CTNNA2: variants seen among roughly 807,000 people sequenced by gnomAD.
CTNNA2 encodes catenin alpha 2.
Under a neutral mutation model 101.0 loss-of-function variants are expected in CTNNA2, and 42 were observed. The observed-to-expected ratio is 0.42, with a 90% CI of 0.32 to 0.54. The LOEUF is 0.54. CTNNA2 is among the 20% of genes least tolerant of loss of function. The probability of loss-of-function intolerance (pLI) is 0.14; values close to 1 mark genes in which losing one functional copy is unlikely to be tolerated. For synonymous variants in CTNNA2, 450 were observed against 456.4 expected, an observed-to-expected ratio of 0.99 and a Z score of 0.18; for missense variants, 871 against 1,223.1, an observed-to-expected ratio of 0.71 and a Z score of 4.29.
intron 2 of CTNNA2, among the ~76,000 whole-genome samples, chr2:79,288,800 A>T (rs1573037003): frequency 6.6e-6 from 1 of 152,226 alleles, no homozygotes; most frequent in African/African-American, 2.4e-5. Context: ...GGTTTGCCAT[A>T]TTAAAAGAGT....
At chr2:80,495,621 T>C (rs1687388863) in intron 9 of CTNNA2, among the ~76,000 whole-genome samples, 1 of 152,146 alleles carries the variant, frequency 6.6e-6, no homozygotes, top group South Asian at 2.1e-4. Flanking sequence ...CTTAAAGCAG[T>C]ATGGCTGGTG....
intron 7 of CTNNA2, among the ~76,000 whole-genome samples, chr2:80,263,615 C>T (rs1573543054): frequency 6.6e-6 from 1 of 152,198 alleles, no homozygotes; most frequent in Non-Finnish European, 1.5e-5. Flanking sequence ...GGATTACAGG[C>T]GTGAGCCACT....
intron 7 of CTNNA2, among the ~76,000 whole-genome samples, chr2:80,134,392 C>T (rs1702576699): frequency 6.6e-6 from 1 of 152,076 alleles, no homozygotes; most frequent in African/African-American, 2.4e-5. Context: ...TGACCCTCCC[C>T]CAAACCCTTT....
At chr2:79,487,789 AAGAG>A (rs1194971789) in intron 4 of CTNNA2, among the ~76,000 whole-genome samples, 3 of 152,192 alleles carry the variant, frequency 2.0e-5, no homozygotes, top group Non-Finnish European at 4.4e-5. Context: ...AAAACAATGA[AAGAG>A]AGAGTAATCA....
chr2:79,203,040 T>C (rs978636162), intron 2 of CTNNA2, among the ~76,000 whole-genome samples: 1 of 152,200 alleles, frequency 6.6e-6, no homozygotes, highest in Admixed American at 6.5e-5. Flanking sequence ...CTTTCTTCCC[T>C]GCCATTTTCC....
intron 1 of CTNNA2, among the ~76,000 whole-genome samples, chr2:79,624,671 A>G (rs1344755867): frequency 6.6e-6 from 1 of 152,142 alleles, no homozygotes; most frequent in East Asian, 1.9e-4. Flanking sequence ...TTGATTGAAA[A>G]TATATTGTGC....
chr2:80,171,821 C>A (rs987881955), intron 7 of CTNNA2, among the ~76,000 whole-genome samples: 5 of 152,222 alleles, frequency 3.3e-5, no homozygotes, highest in African/African-American at 1.2e-4. Context: ...AGCTAGGAGG[C>A]CATATGCCCT....
intron 7 of CTNNA2, among the ~76,000 whole-genome samples, chr2:80,248,623 A>G (rs1558939687): frequency 6.6e-6 from 1 of 152,072 alleles, no homozygotes; most frequent in Non-Finnish European, 1.5e-5. Flanking sequence ...GCTTCCCCGG[A>G]GAGTCTGTCT....
At chr2:80,545,191 T>C in intron 10 of CTNNA2, 117 bp downstream of exon 10, 1 of 922,142 alleles carries the variant, frequency 1.1e-6, no homozygotes, top group East Asian at 2.6e-5. Context: ...TCATCATTTA[T>C]GAGCTGTTTC....
chr2:80,129,052 C>A (rs1702279315), intron 7 of CTNNA2, among the ~76,000 whole-genome samples: 1 of 152,104 alleles, frequency 6.6e-6, no homozygotes. Flanking sequence ...TCAGTTCATG[C>A]CAAGATATGA....
At chr2:79,233,842 T>C (rs955041504) in intron 2 of CTNNA2, among the ~76,000 whole-genome samples, 1 of 152,044 alleles carries the variant, frequency 6.6e-6, no homozygotes, top group Admixed American at 6.6e-5. Context: ...TGGTTTAAAA[T>C]CTATTTTATA....
At chr2:80,406,149 A>G (rs561103612) in intron 8 of CTNNA2, among the ~76,000 whole-genome samples, 17 of 151,508 alleles carry the variant, frequency 1.1e-4, no homozygotes, top group South Asian at 4.2e-4. Context: ...CAAGGTCAGG[A>G]GATCGAGAAC....
At chr2:80,419,626 T>A (rs756781812) in intron 9 of CTNNA2, 25 bp downstream of exon 9, 1 of 1,611,712 alleles carries the variant, frequency 6.2e-7, no homozygotes, top group Admixed American at 1.7e-5. Context: ...GCCTGAAGAC[T>A]AGAGTTTACC....
chr2:79,270,882 T>G (rs144211535), intron 2 of CTNNA2, among the ~76,000 whole-genome samples: 10 of 152,102 alleles, frequency 6.6e-5, no homozygotes, highest in Middle Eastern at 3.4e-3. Context: ...TCCAGGTAGG[T>G]GCTGCTTCTC....
intron 4 of CTNNA2, among the ~76,000 whole-genome samples, chr2:79,462,340 G>A (rs1278085397): frequency 2.0e-5 from 3 of 152,158 alleles, no homozygotes; most frequent in Admixed American, 6.5e-5. Context: ...AATTTATCTA[G>A]AGATTCAAAG....
intron 7 of CTNNA2, among the ~76,000 whole-genome samples, chr2:80,053,544 G>C (rs533342604): frequency 2.0e-5 from 3 of 152,306 alleles, no homozygotes; most frequent in South Asian, 4.2e-4. Flanking sequence ...ATGGACTAAT[G>C]ACGCCTTTCG....
chr2:79,991,966 A>T (rs1692213511), intron 7 of CTNNA2, among the ~76,000 whole-genome samples: 1 of 152,138 alleles, frequency 6.6e-6, no homozygotes, highest in Non-Finnish European at 1.5e-5. Context: ...AAGAATGCCA[A>T]GGTAAAATTT....
At chr2:79,546,419 C>T (rs1673735239) in intron 1 of CTNNA2, among the ~76,000 whole-genome samples, 4 of 152,088 alleles carry the variant, frequency 2.6e-5, no homozygotes, top group Admixed American at 2.6e-4. Context: ...ATAGAGAAAC[C>T]ATCTTTTTAA....
chr2:79,610,752 A>G (rs1012367473), intron 1 of CTNNA2, among the ~76,000 whole-genome samples: 24 of 152,148 alleles, frequency 1.6e-4, no homozygotes, highest in African/African-American at 5.8e-4. Flanking sequence ...AAGGAGCACA[A>G]GGAAACCTTT....
Sources: allele counts gnomAD v4.1 joint callset (sites outside exome capture counted in the v4.1 genomes callset), GRCh38; gene constraint gnomAD v4.1.1; transcripts MANE v1.5; gene names NCBI Gene and HGNC (gene_info 2026-07-23, HGNC 2026-07-21).